The following COBLL1 variants were observed in gnomAD, a reference collection of about 807,000 sequenced individuals.
The protein encoded by COBLL1 is cordon-bleu protein-like 1.
In COBLL1, 50 loss-of-function variants were observed where a neutral mutation model predicts 94.8. The observed-to-expected ratio is 0.53, with a 90% CI of 0.42 to 0.67. The LOEUF is 0.67. Among genes scored for constraint, COBLL1 ranks in the 30% least tolerant of loss-of-function variants. The probability of loss-of-function intolerance (pLI) is 0.00; values close to 1 mark genes in which losing one functional copy is unlikely to be tolerated. For missense variants in COBLL1, 1,362 were observed against 1,348.7 expected, an observed-to-expected ratio of 1.01 and a Z score of -0.15; for synonymous variants, 448 against 473.8, an observed-to-expected ratio of 0.95 and a Z score of 0.71.
chr2:164,769,680 T>C (rs1276499892), intron 2 of COBLL1, among the ~76,000 whole-genome samples: 1 of 152,072 alleles, frequency 6.6e-6, no homozygotes, highest in African/African-American at 2.4e-5. Context: ...GCAACATAGT[T>C]AGATCCTGTC....
intron 2 of COBLL1, among the ~76,000 whole-genome samples, chr2:164,820,266 C>T (rs1317530623): frequency 6.6e-6 from 1 of 152,176 alleles, no homozygotes; most frequent in Non-Finnish European, 1.5e-5. Flanking sequence ...GTTGCCCAGG[C>T]TAGTATGCAG....
intron 2 of COBLL1, among the ~76,000 whole-genome samples, chr2:164,832,814 C>A (rs1294761714): frequency 6.6e-6 from 1 of 152,080 alleles, no homozygotes; most frequent in Admixed American, 6.5e-5. Flanking sequence ...CAGGCCGAGG[C>A]GGGCGGATCA....
chr2:164,758,387 A>G (rs576672382), intron 2 of COBLL1, among the ~76,000 whole-genome samples: 108 of 152,234 alleles, frequency 7.1e-4, no homozygotes, highest in Non-Finnish European at 1.1e-3. Flanking sequence ...GAACCCTAAA[A>G]TAATTCATAA....
intron 2 of COBLL1, among the ~76,000 whole-genome samples, chr2:164,760,323 C>T (rs355832): frequency 0.23 from 35,229 of 151,990 alleles, 4,756 homozygotes; most frequent in African/African-American, 0.37. Flanking sequence ...GTTCTGCTTA[C>T]GTAAGAGTCT....
At chr2:164,723,237 T>G (rs899646545) in intron 5 of COBLL1, 2 of 152,078 alleles carry the variant, frequency 1.3e-5, no homozygotes, top group African/African-American at 4.8e-5. Context: ...GTGCTGAAAA[T>G]TAGGAAGCCC....
At chr2:164,802,344 A>G (rs1224632594) in intron 2 of COBLL1, among the ~76,000 whole-genome samples, 1 of 152,242 alleles carries the variant, frequency 6.6e-6, no homozygotes, top group African/African-American at 2.4e-5. Context: ...AGAAAAGTCC[A>G]CAGATCAAAC....
At chr2:164,758,582 A>G (rs187546391) in intron 2 of COBLL1, among the ~76,000 whole-genome samples, 4 of 152,238 alleles carry the variant, frequency 2.6e-5, no homozygotes, top group Admixed American at 2.6e-4. Context: ...GTTGCCTTGC[A>G]AGCAACATAT....
intron 2 of COBLL1, among the ~76,000 whole-genome samples, chr2:164,744,110 A>C (rs112324964): frequency 6.6e-6 from 1 of 152,316 alleles, no homozygotes; most frequent in African/African-American, 2.4e-5. Flanking sequence ...ATAAAAAGAA[A>C]CATGATAAAG....
intron 2 of COBLL1, among the ~76,000 whole-genome samples, chr2:164,823,307 T>A (rs1008606096): frequency 6.6e-6 from 1 of 152,242 alleles, no homozygotes; most frequent in Non-Finnish European, 1.5e-5. Flanking sequence ...TAACAAATAC[T>A]TACTGAAAAT....
intron 2 of COBLL1, among the ~76,000 whole-genome samples, chr2:164,777,840 CT>C (rs1438473039): frequency 6.6e-6 from 1 of 152,142 alleles, no homozygotes; most frequent in Non-Finnish European, 1.5e-5. Context: ...CTAATTAATA[CT>C]CTGGGAAACA....
chr2:164,785,020 C>T (rs1258811173), intron 2 of COBLL1, among the ~76,000 whole-genome samples: 2 of 152,050 alleles, frequency 1.3e-5, no homozygotes, highest in African/African-American at 4.8e-5. Context: ...CTTGAGGCTG[C>T]AGGTGGGCTC....
chr2:164,723,166 A>G (rs566991178), intron 5 of COBLL1: 2 of 152,314 alleles, frequency 1.3e-5, no homozygotes, highest in South Asian at 4.1e-4. Context: ...AGGATTCCAA[A>G]CATAGCACAT....
chr2:164,763,882 T>C (rs1205424629), intron 2 of COBLL1, among the ~76,000 whole-genome samples: 1 of 152,214 alleles, frequency 6.6e-6, no homozygotes. Context: ...ATTAAATGTT[T>C]TTAAATAACA....
chr2:164,678,664 A>C (rs564274897), downstream of COBLL1, among the ~76,000 whole-genome samples: 2 of 152,332 alleles, frequency 1.3e-5, no homozygotes, highest in Admixed American at 1.3e-4. Context: ...ACAAACATGA[A>C]GATAATATTT....
chr2:164,816,881 A>T (rs555931786), intron 2 of COBLL1, among the ~76,000 whole-genome samples: 8 of 152,122 alleles, frequency 5.3e-5, no homozygotes, highest in Non-Finnish European at 5.9e-5. Flanking sequence ...TCAGGATGGG[A>T]TTTAGCCAAG....
intron 2 of COBLL1, among the ~76,000 whole-genome samples, chr2:164,799,806 T>C (rs189741345): frequency 3.3e-5 from 5 of 152,292 alleles, no homozygotes; most frequent in Admixed American, 3.3e-4. Context: ...CATGAACAAC[T>C]TGTTTTTGAC....
intron 2 of COBLL1, among the ~76,000 whole-genome samples, chr2:164,801,694 A>G (rs1386457971): frequency 6.6e-6 from 1 of 152,152 alleles, no homozygotes; most frequent in Non-Finnish European, 1.5e-5. Flanking sequence ...TAATTTGTCC[A>G]AAGTTTTAAT....
At chr2:164,675,774 A>C (rs1691325718), downstream of COBLL1, among the ~76,000 whole-genome samples, 1 of 152,218 alleles carries the variant, frequency 6.6e-6, no homozygotes, top group South Asian at 2.1e-4. Context: ...TTCCACAATG[A>C]CATGGGTATT....
At chr2:164,746,099 A>G (rs1361041853) in intron 2 of COBLL1, among the ~76,000 whole-genome samples, 1 of 152,214 alleles carries the variant, frequency 6.6e-6, no homozygotes, top group Non-Finnish European at 1.5e-5. Context: ...TCATTTGTCC[A>G]GACCAAAAAT....
Sources: gnomAD v4.1 joint callset for allele counts (sites outside exome capture counted in the v4.1 genomes callset) on GRCh38, gnomAD v4.1.1 for gene constraint, MANE v1.5 for transcripts, NCBI Gene and HGNC (gene_info 2026-07-23, HGNC 2026-07-21) for gene names.